DENND2A: variants seen among roughly 807,000 people sequenced by gnomAD.
DENND2A encodes the protein DENN domain-containing protein 2A.
DENND2A carries 53 observed loss-of-function variants against 105.3 expected under a neutral mutation model. The observed-to-expected ratio is 0.50, with a 90% CI of 0.40 to 0.63. DENND2A has a LOEUF of 0.63. DENND2A is among the 30% of genes least tolerant of loss of function. The pLI is 0.00. For missense variants in DENND2A, 1,138 were observed against 1,279.6 expected, an observed-to-expected ratio of 0.89 and a Z score of 1.69; for synonymous variants, 522 against 508.4, an observed-to-expected ratio of 1.03 and a Z score of -0.36.
chr7:140,583,943 T>C (rs1585688959), intron 5 of DENND2A, among the ~76,000 whole-genome samples: 1 of 65,770 alleles, frequency 1.5e-5, no homozygotes, highest in African/African-American at 7.7e-5. Context: ...AAAAAAAAAG[T>C]CAAATTTCAG....
At position 140,587,733 on chromosome 7, in the gene DENND2A, C is replaced by G. The variant is rs1181013426; in HGVS notation, c.1043G>C (p.Ser348Thr). 6.2e-7 allele frequency: 1 copy of G among 1,610,998 alleles called. No homozygotes were observed. The highest frequency in any genetic ancestry group is 1.7e-5 in the Admixed American group (1 of 59,894). Residue 348 changes from serine to threonine, a missense_variant, in exon 4 of 20, where the codon AGC (serine) becomes ACC (threonine). Physicochemically the swap from Ser to Thr is moderately conservative, Grantham distance 58. Around this residue, in one of 2 missense-constraint regions of DENND2A, gnomAD observed 511 missense variants for 499.9 expected, o/e 1.02. Coordinates refer to ENST00000496613, the MANE Select transcript of DENND2A (RefSeq NM_015689.5). ...AGTCTGCGCGTACCAGTCCACCCTG[C>G]TGCTCTCAGAGGAAGACTGCAGTAA... ...EDLLQSSSES[S>T]RVDWYAQTKL...
chr7:140,599,316 C>T (rs1799396234), intron 3 of DENND2A, among the ~76,000 whole-genome samples: 2 of 150,438 alleles, frequency 1.3e-5, no homozygotes, highest in South Asian at 2.1e-4. Flanking sequence ...CCAGCCTGGG[C>T]GATACTCTGT....
At chr7:140,544,557 C>T in intron 14 of DENND2A, 61 bp downstream of exon 14, 1 of 1,609,558 alleles carries the variant, frequency 6.2e-7, no homozygotes, top group Non-Finnish European at 8.5e-7. Context: ...GCTCTACAGA[C>T]TAGAGGGTCC....
chr7:140,554,617 TAGAG>T (rs1797284743), intron 12 of DENND2A, among the ~76,000 whole-genome samples: 1 of 152,112 alleles, frequency 6.6e-6, no homozygotes, highest in South Asian at 2.1e-4. Flanking sequence ...GCCTGGGTGA[TAGAG>T]TGAGACTCTG....
At chr7:140,596,033 C>A (rs889294945) in intron 3 of DENND2A, among the ~76,000 whole-genome samples, 2 of 152,130 alleles carry the variant, frequency 1.3e-5, no homozygotes, top group Non-Finnish European at 2.9e-5. Context: ...ATTCTGTTAT[C>A]GGGTAACTCC....
intron 3 of DENND2A, among the ~76,000 whole-genome samples, chr7:140,597,868 T>C (rs1799344025): frequency 6.6e-6 from 1 of 152,190 alleles, no homozygotes; most frequent in Admixed American, 6.5e-5. Context: ...GCTTTGGCAC[T>C]GGCTGGAGAA....
At chr7:140,532,856 T>A (rs945027408) in intron 14 of DENND2A, among the ~76,000 whole-genome samples, 3 of 149,710 alleles carry the variant, frequency 2.0e-5, no homozygotes, top group African/African-American at 7.5e-5. Context: ...TAGATCCTCA[T>A]CTCTAAAACA....
rs541245142 is a variant in DENND2A, at chr7:140,595,738, G to A, written c.995+5665C>T. ...AGTTGAGATTGCACCACTGCACTCC[G>A]GCCTGGGAGACAGAGCAAGACCCTG... On this transcript the variant is annotated intron_variant, in intron 3 of 19. Coordinates refer to ENST00000496613, the MANE Select transcript of DENND2A (RefSeq NM_015689.5). Among the ~76,000 whole-genome samples, 6 of 151,980 alleles carry A rather than the reference G, an allele frequency of 3.9e-5. No homozygotes were observed. In the East Asian group the frequency reaches 9.7e-4, roughly 25 times the overall value.
intron 12 of DENND2A, among the ~76,000 whole-genome samples, 167 bp from the exon 13 acceptor site, chr7:140,547,106 A>G (rs1326444915): frequency 6.6e-6 from 1 of 152,138 alleles, no homozygotes; most frequent in Non-Finnish European, 1.5e-5. Context: ...GATTGTCCCC[A>G]ATTCTTCTCT....
chr7:140,546,553 C>T (rs550087640), intron 13 of DENND2A, among the ~76,000 whole-genome samples: 1 of 152,284 alleles, frequency 6.6e-6, no homozygotes, highest in East Asian at 1.9e-4. Flanking sequence ...AACCTGAGGC[C>T]AACATCATGC....
At chr7:140,582,290 CA>C (rs1192277875) in intron 5 of DENND2A, among the ~76,000 whole-genome samples, 1 of 152,056 alleles carries the variant, frequency 6.6e-6, no homozygotes, top group Non-Finnish European at 1.5e-5. Context: ...CATTGTTCCT[CA>C]GGGGTGAGGC....
intron 3 of DENND2A, among the ~76,000 whole-genome samples, chr7:140,600,895 GTTATT>G (rs1004486594): frequency 3.3e-5 from 5 of 152,190 alleles, no homozygotes; most frequent in African/African-American, 7.2e-5. Context: ...TATTTAATGT[GTTATT>G]TTAACGTTAT....
intron 14 of DENND2A, among the ~76,000 whole-genome samples, chr7:140,538,843 A>T (rs1164171418): frequency 6.6e-6 from 1 of 151,370 alleles, no homozygotes; most frequent in African/African-American, 2.4e-5. Context: ...ATTTTTTTTG[A>T]GACAGAGTCT....
chr7:140,638,694 C>T (rs972133095), intron 1 of DENND2A, among the ~76,000 whole-genome samples: 12 of 152,234 alleles, frequency 7.9e-5, no homozygotes, highest in African/African-American at 2.7e-4. Flanking sequence ...ACTGGCCTCT[C>T]CTAGACTCTC....
intron 2 of DENND2A, among the ~76,000 whole-genome samples, chr7:140,603,978 T>C (rs991181614): frequency 2.0e-5 from 3 of 152,260 alleles, no homozygotes; most frequent in East Asian, 3.8e-4. Flanking sequence ...AGAAATTATT[T>C]TGAAGGAAAA....
intron 11 of DENND2A, among the ~76,000 whole-genome samples, chr7:140,557,167 G>A (rs1797394675): frequency 6.6e-6 from 1 of 152,084 alleles, no homozygotes; most frequent in Admixed American, 6.6e-5. Context: ...CACACTGGGA[G>A]GCCGAGGTGG....
At chr7:140,537,694 G>A (rs1257438225) in intron 14 of DENND2A, among the ~76,000 whole-genome samples, 1 of 151,282 alleles carries the variant, frequency 6.6e-6, no homozygotes, top group African/African-American at 2.5e-5. Context: ...TTAAGAGATG[G>A]GGTCTTGCTA....
chr7:140,571,557 T>A (rs528958268), intron 6 of DENND2A, among the ~76,000 whole-genome samples: 1 of 152,106 alleles, frequency 6.6e-6, no homozygotes, highest in South Asian at 2.1e-4. Context: ...TTGGCTTCTA[T>A]GGGGTCAAAT....
At chr7:140,536,736 C>A (rs190596549) in intron 14 of DENND2A, among the ~76,000 whole-genome samples, 93 of 152,228 alleles carry the variant, frequency 6.1e-4, no homozygotes, top group African/African-American at 2.2e-3. Context: ...GCCATCTTGG[C>A]TTACTGCAGC....
Sources: allele counts gnomAD v4.1 joint callset (sites outside exome capture counted in the v4.1 genomes callset), GRCh38; gene constraint gnomAD v4.1.1; regional missense constraint gnomAD v4.1.1; transcripts MANE v1.5; gene names NCBI Gene and HGNC (gene_info 2026-07-23, HGNC 2026-07-21).